Variants in MAML2 observed in about 807,000 individuals in gnomAD.
The protein encoded by MAML2 is mastermind like transcriptional coactivator 2.
A neutral mutation model predicts 96.1 loss-of-function variants in MAML2; 22 were observed. That is an observed-to-expected ratio of 0.23 (90% CI 0.16 to 0.33). The LOEUF is 0.33. Among genes scored for constraint, MAML2 ranks in the 10% least tolerant of loss-of-function variants. MAML2 has a pLI of 1.00. For missense variants in MAML2, 1,367 were observed against 1,392.4 expected (o/e 0.98, Z 0.29); for synonymous variants, 561 against 521.3 (o/e 1.08, Z -1.04).
intron 1 of MAML2, among the ~76,000 whole-genome samples, chr11:96,298,424 C>T (rs1025698746): frequency 5.9e-5 from 9 of 152,032 alleles, no homozygotes; most frequent in African/African-American, 1.7e-4. Context: ...TAGCCTTGAA[C>T]CAGAAGAAGA....
chr11:96,093,205 T>C lies in MAML2; in HGVS notation c.826A>G (p.Ser276Gly). 1 of 1,614,074 alleles carries C rather than the reference T, an allele frequency of 6.2e-7. No homozygotes were observed. The highest frequency in any genetic ancestry group is 8.5e-7 in the Non-Finnish European group (1 of 1,179,914). ...GTCATTTGGCCATCCATGTGCTTAC[T>C]GCAAGACAGAGTCTCTCCTGGCTCC... ...KKEPGETLSCSKHMDGQMTQE... is the reference protein window; with the variant it reads ...KKEPGETLSCGKHMDGQMTQE... Residue 276 changes from serine to glycine, a missense_variant, in exon 2 of 5, where the codon AGT (serine) becomes GGT (glycine). Ser to Gly is a moderately conservative substitution (Grantham distance 56). Coordinates refer to ENST00000524717, the MANE Select transcript of MAML2 (RefSeq NM_032427.4).
chr11:95,984,273 GT>G (rs1242847603), intron 4 of MAML2, among the ~76,000 whole-genome samples: 2 of 152,124 alleles, frequency 1.3e-5, no homozygotes, highest in Non-Finnish European at 2.9e-5. Flanking sequence ...ACTTTATGAT[GT>G]TTGCACAATG....
At chr11:96,288,189 C>G (rs1448632303) in intron 1 of MAML2, among the ~76,000 whole-genome samples, 1 of 152,112 alleles carries the variant, frequency 6.6e-6, no homozygotes, top group Non-Finnish European at 1.5e-5. Context: ...AGCAAATGTA[C>G]AATATTTTTT....
chr11:96,108,013 C>T (rs1367454446), intron 1 of MAML2, among the ~76,000 whole-genome samples: 2 of 152,140 alleles, frequency 1.3e-5, no homozygotes, highest in Non-Finnish European at 2.9e-5. Flanking sequence ...ATGAATCAAA[C>T]CCGAAGAAGA....
At chr11:96,207,556 C>T (rs1322517955) in intron 1 of MAML2, among the ~76,000 whole-genome samples, 1 of 152,216 alleles carries the variant, frequency 6.6e-6, no homozygotes. Flanking sequence ...GGCAATAAAA[C>T]CCAGGCCCTC....
At chr11:96,322,882 A>G (rs1360083466) in intron 1 of MAML2, among the ~76,000 whole-genome samples, 1 of 152,176 alleles carries the variant, frequency 6.6e-6, no homozygotes, top group Non-Finnish European at 1.5e-5. Context: ...TGTAGAGTGG[A>G]GAATCACAGT....
chr11:96,129,430 C>T (rs1439986255), intron 1 of MAML2, among the ~76,000 whole-genome samples: 2 of 152,100 alleles, frequency 1.3e-5, no homozygotes, highest in Admixed American at 1.3e-4. Context: ...GCTGCTCATC[C>T]AGGAACCACA....
At chr11:96,179,677 T>G (rs1861452294) in intron 1 of MAML2, among the ~76,000 whole-genome samples, 1 of 152,174 alleles carries the variant, frequency 6.6e-6, no homozygotes, top group Non-Finnish European at 1.5e-5. Context: ...CACTCCTACT[T>G]CAAGCCATTT....
chr11:96,056,229 G>A (rs1859066566), intron 2 of MAML2, among the ~76,000 whole-genome samples: 1 of 152,180 alleles, frequency 6.6e-6, no homozygotes, highest in African/African-American at 2.4e-5. Flanking sequence ...TCATTTGTGA[G>A]TGTGAGTCAT....
chr11:96,220,407 C>T (rs976192202), intron 1 of MAML2, among the ~76,000 whole-genome samples: 14 of 152,132 alleles, frequency 9.2e-5, no homozygotes, highest in African/African-American at 3.1e-4. Context: ...ACATGGTGAG[C>T]CCTCCTGGGA....
chr11:96,067,376 G>A (rs1859262304), intron 2 of MAML2, among the ~76,000 whole-genome samples: 1 of 152,196 alleles, frequency 6.6e-6, no homozygotes, highest in Non-Finnish European at 1.5e-5. Context: ...CACATTTAGA[G>A]AAGTAACAAA....
intron 1 of MAML2, among the ~76,000 whole-genome samples, chr11:96,182,957 CTTTT>C (rs11301035): frequency 5.2e-4 from 56 of 108,248 alleles, no homozygotes; most frequent in African/African-American, 1.7e-3. Flanking sequence ...CCTTTCTTTT[CTTTT>C]TTTTTTTTTT....
intron 1 of MAML2, among the ~76,000 whole-genome samples, chr11:96,301,533 T>C (rs1345899940): frequency 1.3e-5 from 2 of 152,188 alleles, no homozygotes; most frequent in Non-Finnish European, 2.9e-5. Flanking sequence ...CATGGATATG[T>C]GTTAGAAGCA....
rs1859076625 is a variant in MAML2, at chr11:96,056,739, C to T, written c.2139+35153G>A. Among the ~76,000 whole-genome samples, 6 of 152,318 alleles carry T rather than the reference C, an allele frequency of 3.9e-5. No individual in the cohort carries two copies. The South Asian group carries it at 1.2e-3, about 32-fold the overall frequency. ...CTTTCTTTGTTCATTCACAAGTCTA[C>T]TCTATTTCCACCTCAGATTTAATTA... is the stretch of plus-strand genomic sequence containing the variant. On this transcript the variant is annotated intron_variant, in intron 2 of 4. Transcript: ENST00000524717.
intron 1 of MAML2, among the ~76,000 whole-genome samples, chr11:96,177,396 G>T (rs1203270540): frequency 6.6e-6 from 1 of 152,248 alleles, no homozygotes; most frequent in Non-Finnish European, 1.5e-5. Flanking sequence ...AGGCATGCAT[G>T]TGATATGTAC....
intron 1 of MAML2, among the ~76,000 whole-genome samples, chr11:96,184,439 CAAATAAATAAATAAAT>C (rs139760069): frequency 4.8e-5 from 7 of 145,176 alleles, no homozygotes; most frequent in South Asian, 2.3e-4. Context: ...GACTCCATCT[CAAATAAATAAATAAAT>C]AAATAAATAA....
rs149548375 is a variant in MAML2 at position 96,146,649 on chromosome 11, T to C, written c.514-53132A>G. On this transcript the variant is annotated intron_variant, in intron 1 of 4. Coordinates refer to ENST00000524717, the MANE Select transcript of MAML2 (RefSeq NM_032427.4). ...CCTCAAATACTTGCCATGAGATAGG[T>C]ACTCAGTAAATGGCAGCATCAGGGT... is the stretch of plus-strand genomic sequence containing the variant. Among the ~76,000 whole-genome samples the C allele has an allele frequency of 2.9e-3, 436 of 152,292 alleles. 4 individuals carry two copies. The highest frequency in any genetic ancestry group is 0.01 in the African/African-American group (416 of 41,558).
In MAML2 at chr11:96,092,957, G is replaced by T; in HGVS notation, c.1074C>A (p.Pro358=). Reference sequence around the variant, plus strand: ...CACTTTTGATCACTATTTTCTCCATGGGTAAGGAGGGCCTAGGTGTGCTCC... The same window carrying T: ...CACTTTTGATCACTATTTTCTCCATTGGTAAGGAGGGCCTAGGTGTGCTCC... The part of the protein sequence containing the change: ...SQRSTPRPSL[P]MEKIVIKSEY... Residue 358 remains proline (P), a synonymous_variant, in exon 2 of 5, where the codon CCC becomes CCA. Transcript: ENST00000524717. The surrounding 1 kb of genome is among the most constrained non-coding windows in gnomAD (Gnocchi z 4.1). 6.2e-7 allele frequency: 1 copy of T among 1,613,046 alleles called. No homozygotes were observed. Among genetic ancestry groups the T allele is most frequent in the African/African-American group, 1.3e-5 (1 of 75,016 alleles).
At chr11:96,039,770 C>A (rs1287271948) in intron 2 of MAML2, among the ~76,000 whole-genome samples, 1 of 151,924 alleles carries the variant, frequency 6.6e-6, no homozygotes, top group African/African-American at 2.4e-5. Flanking sequence ...CATGGTGAAA[C>A]CCTAACACGG....
Sources: allele counts gnomAD v4.1 joint callset (sites outside exome capture counted in the v4.1 genomes callset), GRCh38; gene constraint gnomAD v4.1.1; non-coding constraint Gnocchi (gnomAD v3.1); transcripts MANE v1.5; gene names NCBI Gene and HGNC (gene_info 2026-07-23, HGNC 2026-07-21).